The following BCR variants were observed in gnomAD, a reference collection of about 807,000 sequenced individuals.
BCR encodes BCR activator of RhoGEF and GTPase, also known as breakpoint cluster region protein.
A neutral mutation model predicts 138.6 loss-of-function variants in BCR; 58 were observed. That is an observed-to-expected ratio of 0.42 (90% CI 0.34 to 0.52). BCR has a LOEUF of 0.52. Ranked by LOEUF, BCR falls within the 20% of genes least tolerant of loss-of-function variation. The pLI, the probability that BCR is intolerant of heterozygous loss-of-function variation, is 0.06. For synonymous variants in BCR, 786 were observed against 730.1 expected (o/e 1.08, Z -1.23); for missense variants, 1,599 against 1,727.2 (o/e 0.93, Z 1.32).
At chr22:23,232,345 A>C (rs1229037320) in intron 1 of BCR, among the ~76,000 whole-genome samples, 1 of 152,236 alleles carries the variant, frequency 6.6e-6, no homozygotes, top group African/African-American at 2.4e-5. Flanking sequence ...TAACGTGCTA[A>C]GGTCACCCAC....
chr22:23,188,332 G>C (rs1397139037), intron 1 of BCR, among the ~76,000 whole-genome samples: 2 of 152,244 alleles, frequency 1.3e-5, no homozygotes, highest in Non-Finnish European at 2.9e-5. Flanking sequence ...GAGTGCTGTT[G>C]ATTTGACTGG....
chr22:23,217,916 T>C (rs1348519631), intron 1 of BCR, among the ~76,000 whole-genome samples: 1 of 152,194 alleles, frequency 6.6e-6, no homozygotes, highest in African/African-American at 2.4e-5. Flanking sequence ...GTCCAGATCC[T>C]GCTGGTGGGA....
At chr22:23,240,665 A>AT (rs1340796357) in intron 1 of BCR, among the ~76,000 whole-genome samples, 1 of 152,092 alleles carries the variant, frequency 6.6e-6, no homozygotes, top group Non-Finnish European at 1.5e-5. Context: ...GAAAAAAAAA[A>AT]GAAAAAGAAA....
chr22:23,224,649 A>G (rs903982596), intron 1 of BCR, among the ~76,000 whole-genome samples: 18 of 152,298 alleles, frequency 1.2e-4, no homozygotes, highest in African/African-American at 3.6e-4. Context: ...TGGGAGGCCA[A>G]GGTGGGCGGA....
In BCR at chr22:23,267,744, AGT is replaced by A. The variant is rs1338534002; in HGVS notation, c.1753-657_1753-656del. Among the ~76,000 whole-genome samples, 22 of 152,210 alleles carry A rather than the reference AGT, an allele frequency of 1.4e-4. No homozygotes were observed. The East Asian group carries it at 4.1e-3, about 28-fold the overall frequency. On this transcript the variant is annotated intron_variant, in intron 4 of 22. Coordinates refer to ENST00000305877, the MANE Select transcript of BCR (RefSeq NM_004327.4). ...ACTCACACAAGTTGTTGCTGAATCG[AGT>A]GTGTGTCTGAGCTGGAGGTGCAGTG...
chr22:23,274,857 G>C (rs1048005132), intron 8 of BCR, among the ~76,000 whole-genome samples: 1 of 139,160 alleles, frequency 7.2e-6, no homozygotes, highest in Non-Finnish European at 1.5e-5. Context: ...GCAGTGAGCC[G>C]AGATCTCACC....
intron 4 of BCR, 181 bp downstream of exon 4, chr22:23,261,721 C>T (rs972311678): frequency 8.3e-6 from 4 of 481,110 alleles, no homozygotes; most frequent in African/African-American, 6.1e-5. Context: ...CGTGAGCCGC[C>T]ATGCCCAGCC....
chr22:23,239,425 A>C (rs2146252982), intron 1 of BCR, among the ~76,000 whole-genome samples: 1 of 152,278 alleles, frequency 6.6e-6, no homozygotes, highest in Non-Finnish European at 1.5e-5. Flanking sequence ...GCACGGATAC[A>C]TTGTGTGGCT....
intron 1 of BCR, among the ~76,000 whole-genome samples, chr22:23,240,633 C>G (rs2073079097): frequency 6.6e-6 from 1 of 150,638 alleles, no homozygotes; most frequent in Admixed American, 6.6e-5. Context: ...GCCTGGGTGA[C>G]AGAGCGAGAC....
At chr22:23,202,785 G>A (rs546211623) in intron 1 of BCR, among the ~76,000 whole-genome samples, 1 of 147,328 alleles carries the variant, frequency 6.8e-6, no homozygotes, top group African/African-American at 2.5e-5. Context: ...TCATTGATGG[G>A]CACTTGGGTC....
intron 1 of BCR, among the ~76,000 whole-genome samples, chr22:23,233,219 C>G (rs1428412379): frequency 1.3e-5 from 2 of 152,184 alleles, no homozygotes; most frequent in South Asian, 4.1e-4. Flanking sequence ...TGCCTGGATG[C>G]TCGGTTCTTG....
intron 4 of BCR, 163 bp downstream of exon 4, chr22:23,261,703 A>G: frequency 1.7e-6 from 1 of 604,940 alleles, no homozygotes; most frequent in Non-Finnish European, 2.6e-6. Flanking sequence ...AAGTACTGAG[A>G]TTACAGGCGT....
chr22:23,193,061 A>G (rs949486127), intron 1 of BCR, among the ~76,000 whole-genome samples: 2 of 152,158 alleles, frequency 1.3e-5, no homozygotes, highest in East Asian at 1.9e-4. Context: ...GAGATCCTCT[A>G]CTCAAGTGCC....
intron 1 of BCR, among the ~76,000 whole-genome samples, chr22:23,182,698 T>C (rs1338844510): frequency 6.6e-6 from 1 of 152,142 alleles, no homozygotes; most frequent in East Asian, 1.9e-4. Flanking sequence ...ACTGATCCTG[T>C]TCTGGAGGGG....
In BCR at chr22:23,270,986, C is replaced by T. The variant is rs112200367; in HGVS notation, c.1861-546C>T. ...TCTGCAGTGGTGGGCCTGCCCTGGCCGTCTCCAAAGATGGGTGCTCTTCGG... is the reference window on the plus strand; with the variant it reads ...TCTGCAGTGGTGGGCCTGCCCTGGCTGTCTCCAAAGATGGGTGCTCTTCGG... On this transcript the variant is annotated intron_variant, in intron 5 of 22. Coordinates refer to ENST00000305877, the MANE Select transcript of BCR (RefSeq NM_004327.4). Among the ~76,000 whole-genome samples the T allele has an allele frequency of 5.7e-3, 868 of 152,326 alleles. 5 individuals are homozygous for T. Among genetic ancestry groups the T allele is most frequent in the African/African-American group, 0.019 (807 of 41,578 alleles).
intron 15 of BCR, 22 bp from the exon 16 acceptor site, chr22:23,295,002 C>T: frequency 1.9e-6 from 3 of 1,613,032 alleles, no homozygotes; most frequent in Non-Finnish European, 2.5e-6. Context: ...CACTGGACTT[C>T]CCTTCTCCCT....
intron 1 of BCR, among the ~76,000 whole-genome samples, chr22:23,207,405 C>A (rs148692343): frequency 7.3e-4 from 111 of 152,252 alleles, no homozygotes; most frequent in African/African-American, 2.6e-3. Flanking sequence ...GGGAGGGTCG[C>A]TTGAGCCCAG....
chr22:23,230,676 G>C (rs1253315534), intron 1 of BCR, among the ~76,000 whole-genome samples: 1 of 152,210 alleles, frequency 6.6e-6, no homozygotes, highest in Non-Finnish European at 1.5e-5. Context: ...TGCAGGGTAG[G>C]CATGGCCATC....
At position 23,243,064 on chromosome 22, in the gene BCR, A is replaced by G. The variant is rs561600213; in HGVS notation, c.1280-10735A>G. 4.9e-5 allele frequency: 14 copies of G among 284,692 alleles called. No individual in the cohort carries two copies. The East Asian group carries it at 1.3e-3, about 27-fold the overall frequency. 17.6% of individuals were successfully genotyped at this position (284,692 alleles called of 1,614,324 possible). The stretch of plus-strand genomic sequence containing the variant: ...CATCAGTGTGATATTGTGATATAAG[A>G]AACCTGTATGTGGTCTTCCTTCTGG... On this transcript the variant is annotated intron_variant, in intron 1 of 22. Coordinates refer to ENST00000305877, the MANE Select transcript of BCR (RefSeq NM_004327.4).
Sources: gnomAD v4.1 joint callset for allele counts (sites outside exome capture counted in the v4.1 genomes callset) on GRCh38, gnomAD v4.1.1 for gene constraint, MANE v1.5 for transcripts, NCBI Gene and HGNC (gene_info 2026-07-23, HGNC 2026-07-21) for gene names.